TENM3: variants seen among roughly 807,000 people sequenced by gnomAD.
TENM3 encodes teneurin transmembrane protein 3, also known as teneurin-3.
A neutral mutation model predicts 255.1 loss-of-function variants in TENM3; 63 were observed. The ratio of observed to expected loss-of-function variants is 0.25; its 90% confidence interval spans 0.20 to 0.30. TENM3 has a LOEUF of 0.30. Ranked by LOEUF, TENM3 falls within the 10% of genes least tolerant of loss-of-function variation. The probability of loss-of-function intolerance (pLI) is 1.00; values close to 1 mark genes in which losing one functional copy is unlikely to be tolerated. For synonymous variants in TENM3, 1,306 were observed against 1,322.3 expected, an observed-to-expected ratio of 0.99 and a Z score of 0.27; for missense variants, 2,929 against 3,461.1, an observed-to-expected ratio of 0.85 and a Z score of 3.86.
the TENM3 span, among the ~76,000 whole-genome samples, chr4:181,467,370 G>T: frequency 6.6e-6 from 1 of 150,824 alleles, no homozygotes; most frequent in East Asian, 2.0e-4. Flanking sequence ...CCTGACCTCA[G>T]GTGGTCCGCC....
At chr4:181,670,679 G>A in the TENM3 span, among the ~76,000 whole-genome samples, 1 of 152,144 alleles carries the variant, frequency 6.6e-6, no homozygotes, top group African/African-American at 2.4e-5. Context: ...AGTAGCATTT[G>A]GGTAGAAATG....
At chr4:182,623,563 C>T (rs1041251933) in intron 4 of TENM3, among the ~76,000 whole-genome samples, 2 of 151,990 alleles carry the variant, frequency 1.3e-5, no homozygotes, top group African/African-American at 4.8e-5. Flanking sequence ...GACTCCTGAG[C>T]TTGTGATCCA....
chr4:181,675,946 A>G, the TENM3 span, among the ~76,000 whole-genome samples: 2 of 152,136 alleles, frequency 1.3e-5, no homozygotes, highest in Admixed American at 1.3e-4. Context: ...ACACCTTAGA[A>G]AAGAGTACAT....
chr4:181,913,117 A>G, the TENM3 span, among the ~76,000 whole-genome samples: 6 of 152,166 alleles, frequency 3.9e-5, no homozygotes, highest in Non-Finnish European at 8.8e-5. Flanking sequence ...AAGAAAATAG[A>G]CCGGGATGAG....
the TENM3 span, among the ~76,000 whole-genome samples, chr4:181,757,488 A>C: frequency 6.6e-6 from 1 of 152,154 alleles, no homozygotes; most frequent in East Asian, 1.9e-4. Context: ...CTCTGACGAG[A>C]TCAGACTCTC....
chr4:181,628,536 T>G, the TENM3 span, among the ~76,000 whole-genome samples: 101,273 of 151,994 alleles, frequency 0.67, 34,040 homozygotes, highest in East Asian at 0.73. Context: ...GGATCCAGTT[T>G]CAGCTTTCTA....
intron 2 of TENM3, among the ~76,000 whole-genome samples, chr4:182,326,727 A>T (rs1321861936): frequency 6.6e-6 from 1 of 151,666 alleles, no homozygotes; most frequent in Non-Finnish European, 1.5e-5. Context: ...TTTTTTTAAT[A>T]GAGACAGGGT....
intron 1 of TENM3, among the ~76,000 whole-genome samples, chr4:182,314,550 C>G (rs751301646): frequency 1.2e-4 from 19 of 152,216 alleles, no homozygotes; most frequent in Non-Finnish European, 2.4e-4. Context: ...TCCAGTGTGA[C>G]AATCTCTGCC....
the TENM3 span, among the ~76,000 whole-genome samples, chr4:182,135,974 A>G: frequency 6.6e-6 from 1 of 152,228 alleles, no homozygotes; most frequent in Non-Finnish European, 1.5e-5. Flanking sequence ...CATTAAATTC[A>G]AGGAAATACC....
At chr4:181,689,131 C>T in the TENM3 span, among the ~76,000 whole-genome samples, 64,800 of 152,130 alleles carry the variant, frequency 0.43, 16,551 homozygotes, top group Non-Finnish European at 0.57. Flanking sequence ...CAGGCGATGA[C>T]GCCGCCCCAC....
rs528852069 is a variant in TENM3 at position 182,491,386 on chromosome 4, T to C, written c.512-109538T>C. ...CATTACTTTAAAAATTGCAGTGAAA[T>C]TTATGTGTGTGTGTGTGTGTCTTTT... On this transcript the variant is annotated intron_variant, in intron 3 of 27. Coordinates refer to ENST00000511685, the MANE Select transcript of TENM3 (RefSeq NM_001080477.4). Among the ~76,000 whole-genome samples, 4 of 137,090 alleles carry C rather than the reference T, an allele frequency of 2.9e-5. 1 individual carries two copies. The South Asian group carries it at 9.6e-4, about 33-fold the overall frequency. 89.9% of individuals were successfully genotyped at this position (137,090 alleles called of 152,430 possible).
chr4:181,605,560 AAGAAAGAAAGAGAG>A, the TENM3 span, among the ~76,000 whole-genome samples: 90 of 26,804 alleles, frequency 3.4e-3, 9 homozygotes, highest in African/African-American at 7.8e-3. Context: ...GAAAGAAAGA[AAGAAAGAAAGAGAG>A]AGAAAGAAAG....
intron 17 of TENM3, 126 bp downstream of exon 17, chr4:182,737,201 A>ATAT: frequency 9.9e-7 from 1 of 1,007,570 alleles, no homozygotes; most frequent in South Asian, 1.6e-5. Context: ...TGTCCTAGGG[A>ATAT]TATTATACCT....
chr4:182,027,114 T>C, the TENM3 span, among the ~76,000 whole-genome samples: 1 of 152,122 alleles, frequency 6.6e-6, no homozygotes, highest in Non-Finnish European at 1.5e-5. Flanking sequence ...TGGTTCCCTC[T>C]TTAATTTCTT....
chr4:182,269,337 T>C (rs1042224112), intron 1 of TENM3, among the ~76,000 whole-genome samples: 14 of 152,136 alleles, frequency 9.2e-5, no homozygotes, highest in Non-Finnish European at 1.9e-4. Flanking sequence ...GGAAAAATCA[T>C]AGAGGAAGGA....
intron 3 of TENM3, among the ~76,000 whole-genome samples, chr4:182,534,187 A>G (rs1740051119): frequency 1.3e-5 from 2 of 152,202 alleles, no homozygotes; most frequent in African/African-American, 4.8e-5. Context: ...GTAAACATGC[A>G]TTCAGAGGAA....
intron 1 of TENM3, among the ~76,000 whole-genome samples, chr4:182,287,056 G>A (rs759982559): frequency 6.6e-6 from 1 of 152,016 alleles, no homozygotes; most frequent in South Asian, 2.1e-4. Context: ...GCGAGACCCC[G>A]TCTCTACAAA....
the TENM3 span, among the ~76,000 whole-genome samples, chr4:181,478,162 T>G: frequency 6.6e-6 from 1 of 152,194 alleles, no homozygotes; most frequent in Non-Finnish European, 1.5e-5. Flanking sequence ...TGTGTAGACA[T>G]TCTCTTCAAA....
the TENM3 span, among the ~76,000 whole-genome samples, chr4:182,040,557 A>T: frequency 6.6e-6 from 1 of 152,032 alleles, no homozygotes; most frequent in African/African-American, 2.4e-5. Context: ...CTAGATTTCT[A>T]TTTAATCTTT....
Sources: allele counts gnomAD v4.1 joint callset (sites outside exome capture counted in the v4.1 genomes callset), GRCh38; gene constraint gnomAD v4.1.1; transcripts MANE v1.5; gene names NCBI Gene and HGNC (gene_info 2026-07-23, HGNC 2026-07-21).